RBFOX1: variants seen among roughly 807,000 people sequenced by gnomAD.
RBFOX1 encodes RNA binding protein fox-1 homolog 1.
A neutral mutation model predicts 57.7 loss-of-function variants in RBFOX1; 8 were observed. The ratio of observed to expected loss-of-function variants is 0.14; its 90% confidence interval spans 0.08 to 0.25. The LOEUF (loss-of-function observed/expected upper bound fraction) is 0.25, where lower values mean the gene tolerates loss of function less well. RBFOX1 is among the 10% of genes least tolerant of loss of function. RBFOX1 has a pLI of 1.00. For missense variants in RBFOX1, 611 were observed against 548.5 expected (o/e 1.11, Z -1.14); for synonymous variants, 326 against 222.4 (o/e 1.47, Z -4.15).
intron 1 of RBFOX1, among the ~76,000 whole-genome samples, chr16:6,315,940 T>C (rs1223592138): frequency 6.6e-6 from 1 of 152,238 alleles, no homozygotes; most frequent in African/African-American, 2.4e-5. Context: ...TGTATATCTA[T>C]ATATCTAGAT....
At position 5,614,932 on chromosome 16, in the gene RBFOX1, T is replaced by C. The variant is rs75666837; in HGVS notation, c.318+15971T>C. Among the ~76,000 whole-genome samples, 1,305 of 152,210 alleles carry C rather than the reference T, an allele frequency of 8.6e-3. 13 individuals carry two copies. Among genetic ancestry groups the C allele is most frequent in the Middle Eastern group, 0.014 (4 of 294 alleles). ...GGGTGGGGGTTTGGTCCATGAGCTG[T>C]GAGAGGTACTTGGAAGAGAAGAGTG... is the stretch of plus-strand genomic sequence containing the variant. On this transcript the variant is annotated intron_variant, in intron 3 of 19. Transcript: ENST00000641259.
intron 1 of RBFOX1, among the ~76,000 whole-genome samples, chr16:5,322,227 A>C (rs2064430592): frequency 6.6e-6 from 1 of 152,200 alleles, no homozygotes; most frequent in African/African-American, 2.4e-5. Flanking sequence ...TAATAAACAC[A>C]AAACTAGAAG....
In RBFOX1 at chr16:6,758,616, G is replaced by T. The variant is rs113046272; in HGVS notation, c.-16+103966G>T. Among the ~76,000 whole-genome samples the T allele has an allele frequency of 4.9e-3, 750 of 152,212 alleles. 5 individuals carry two copies. Among genetic ancestry groups the T allele is most frequent in the Non-Finnish European group, 5.6e-3 (378 of 68,016 alleles). On this transcript the variant is annotated intron_variant, in intron 3 of 15. Coordinates refer to ENST00000550418, the MANE Select transcript of RBFOX1 (RefSeq NM_018723.4). ...AACTACATTTGATTGATTCTATAAT[G>T]CAAATATTTTATGCCTAAGACTTTT...
At chr16:5,657,960 G>A (rs1477227744) in intron 3 of RBFOX1, among the ~76,000 whole-genome samples, 1 of 151,816 alleles carries the variant, frequency 6.6e-6, no homozygotes, top group South Asian at 2.1e-4. Context: ...TTGAACTCCT[G>A]ATTTCAGGTG....
chr16:6,824,801 A>T (rs1285419647), intron 3 of RBFOX1, among the ~76,000 whole-genome samples: 1 of 151,942 alleles, frequency 6.6e-6, no homozygotes, highest in Non-Finnish European at 1.5e-5. Flanking sequence ...TATATTTTTA[A>T]ATTTGTAATA....
intron 2 of RBFOX1, among the ~76,000 whole-genome samples, chr16:6,495,046 A>G (rs2095729653): frequency 6.6e-6 from 1 of 152,198 alleles, no homozygotes; most frequent in African/African-American, 2.4e-5. Context: ...ATCACCACTT[A>G]GAGGTAGTCG....
At chr16:7,405,987 T>G (rs2098333523) in intron 4 of RBFOX1, among the ~76,000 whole-genome samples, 1 of 152,068 alleles carries the variant, frequency 6.6e-6, no homozygotes, top group Non-Finnish European at 1.5e-5. Context: ...GAGCCTGAGA[T>G]GCTGCAATTG....
intron 3 of RBFOX1, among the ~76,000 whole-genome samples, chr16:6,845,619 A>G (rs1353909193): frequency 6.6e-6 from 1 of 152,028 alleles, no homozygotes; most frequent in Admixed American, 6.6e-5. Context: ...ACATTTTATC[A>G]GGACACTATC....
intron 4 of RBFOX1, among the ~76,000 whole-genome samples, chr16:7,449,346 C>T (rs1195912885): frequency 6.6e-6 from 1 of 152,140 alleles, no homozygotes; most frequent in Non-Finnish European, 1.5e-5. Context: ...CTTCAACCCA[C>T]CATGCCAAGT....
chr16:7,638,428 C>T (rs571289581), intron 11 of RBFOX1, among the ~76,000 whole-genome samples: 121 of 152,254 alleles, frequency 7.9e-4, no homozygotes, highest in African/African-American at 2.8e-3. Context: ...CAACTTACCC[C>T]AGAGGCTGGA....
At chr16:5,616,329 C>T (rs2151268452) in intron 3 of RBFOX1, 1 of 152,446 alleles carries the variant, frequency 6.6e-6, no homozygotes, top group South Asian at 2.1e-4. Flanking sequence ...TCACTCCGGA[C>T]ACCGCCCCTG....
At chr16:6,640,738 A>C (rs567188342) in intron 2 of RBFOX1, among the ~76,000 whole-genome samples, 2 of 151,984 alleles carry the variant, frequency 1.3e-5, no homozygotes, top group Non-Finnish European at 2.9e-5. Context: ...GAATAAAAAA[A>C]CTCCTTCTGA....
At chr16:5,387,350 A>G (rs2066285583) in intron 1 of RBFOX1, among the ~76,000 whole-genome samples, 1 of 152,172 alleles carries the variant, frequency 6.6e-6, no homozygotes, top group Non-Finnish European at 1.5e-5. Context: ...ATTTTCCCTT[A>G]TAAATAAGTC....
intron 3 of RBFOX1, among the ~76,000 whole-genome samples, chr16:6,673,326 G>T (rs1430209252): frequency 6.6e-6 from 1 of 152,192 alleles, no homozygotes; most frequent in African/African-American, 2.4e-5. Context: ...GGTGGCTCAT[G>T]CCTGTAATCC....
chr16:6,551,402 A>G (rs150429213), intron 2 of RBFOX1, among the ~76,000 whole-genome samples: 42 of 152,298 alleles, frequency 2.8e-4, no homozygotes, highest in African/African-American at 9.6e-4. Context: ...TAAAATGGGA[A>G]TAAAGAGATA....
chr16:5,823,500 C>G (rs2055928205), intron 3 of RBFOX1, among the ~76,000 whole-genome samples: 1 of 152,136 alleles, frequency 6.6e-6, no homozygotes, highest in Admixed American at 6.5e-5. Context: ...GGTCCCCAAA[C>G]CCCAGGCCAC....
chr16:6,647,743 A>AT (rs1042321583), intron 2 of RBFOX1, among the ~76,000 whole-genome samples: 16 of 151,412 alleles, frequency 1.1e-4, no homozygotes, highest in African/African-American at 1.9e-4. Context: ...GATGTGTTGC[A>AT]TTTTTTTTTA....
intron 2 of RBFOX1, among the ~76,000 whole-genome samples, chr16:6,432,828 C>G (rs938017211): frequency 6.6e-6 from 1 of 151,376 alleles, no homozygotes; most frequent in Non-Finnish European, 1.5e-5. Context: ...AAATACAAAA[C>G]TTAGCTGGGC....
chr16:6,666,922 A>G (rs1195643918), intron 3 of RBFOX1, among the ~76,000 whole-genome samples: 2 of 152,210 alleles, frequency 1.3e-5, no homozygotes, highest in Non-Finnish European at 2.9e-5. Context: ...CACGGTTCCA[A>G]GCAGTGCCTC....
Sources: gnomAD v4.1 joint callset for allele counts (sites outside exome capture counted in the v4.1 genomes callset) on GRCh38, gnomAD v4.1.1 for gene constraint, MANE v1.5 for transcripts, NCBI Gene and HGNC (gene_info 2026-07-23, HGNC 2026-07-21) for gene names.